The following CDK17 variants were observed in gnomAD, a reference collection of about 807,000 sequenced individuals.
CDK17 encodes cyclin-dependent kinase 17.
CDK17 carries 24 observed loss-of-function variants against 77.6 expected under a neutral mutation model. The ratio of observed to expected loss-of-function variants is 0.31; its 90% confidence interval spans 0.22 to 0.44. The LOEUF is 0.44. Ranked by LOEUF, CDK17 falls within the 20% of genes least tolerant of loss-of-function variation. The pLI is 1.00. For synonymous variants in CDK17, 203 were observed against 210.4 expected (o/e 0.96, Z 0.30); for missense variants, 429 against 622.5 (o/e 0.69, Z 3.31).
chr12:96,280,753 T>C lies in CDK17; in HGVS notation c.1534+55A>G, dbSNP rs1444407451. 3.1e-6 allele frequency: 5 copies of C among 1,602,660 alleles called. No individual in the cohort carries two copies. In the East Asian group the frequency reaches 1.1e-4, roughly 36 times the overall value. ...CTGATCAATTTATAAACCAAAAGCT[T>C]GGTTCCACGCAAAAATTCATGATCG... On this transcript the variant is annotated intron_variant, in intron 16 of 16. Transcript: ENST00000261211.
chr12:96,308,306 G>C (rs1462880607), intron 5 of CDK17, among the ~76,000 whole-genome samples: 1 of 151,426 alleles, frequency 6.6e-6, no homozygotes, highest in Non-Finnish European at 1.5e-5. Context: ...AGCTACTCAG[G>C]AGCCTGACAT....
chr12:96,363,928 A>G (rs183621214), intron 1 of CDK17, among the ~76,000 whole-genome samples: 1,602 of 152,352 alleles, frequency 0.011, 48 homozygotes, highest in Admixed American at 0.064. Context: ...CGAGAAGGCA[A>G]CCAAGTAGCC....
At chr12:96,325,511 G>A (rs912059532) in intron 2 of CDK17, among the ~76,000 whole-genome samples, 5 of 152,214 alleles carry the variant, frequency 3.3e-5, no homozygotes, top group Admixed American at 3.3e-4. Context: ...GGGCTCCAGA[G>A]AAATGGGCCA....
intron 13 of CDK17, among the ~76,000 whole-genome samples, chr12:96,284,005 T>C (rs926285739): frequency 1.3e-5 from 2 of 152,222 alleles, no homozygotes; most frequent in Admixed American, 1.3e-4. Flanking sequence ...AAGAGCATCA[T>C]TTTCCTATTA....
intron 1 of CDK17, among the ~76,000 whole-genome samples, chr12:96,395,786 A>G (rs1954158372): frequency 6.6e-6 from 1 of 152,170 alleles, no homozygotes; most frequent in South Asian, 2.1e-4. Flanking sequence ...GAAAAGAAAA[A>G]GACATCCTCA....
chr12:96,307,526 A>T (rs1051005230), intron 5 of CDK17, among the ~76,000 whole-genome samples: 1 of 152,208 alleles, frequency 6.6e-6, no homozygotes, highest in African/African-American at 2.4e-5. Context: ...ATAAAAACTG[A>T]TAGCCGAAGA....
At chr12:96,378,510 C>T (rs932182253) in intron 1 of CDK17, among the ~76,000 whole-genome samples, 2 of 152,170 alleles carry the variant, frequency 1.3e-5, no homozygotes, top group African/African-American at 4.8e-5. Flanking sequence ...GGCCTGGTTC[C>T]TTTTACTGGA....
intron 1 of CDK17, among the ~76,000 whole-genome samples, chr12:96,350,264 TA>T (rs1953290123): frequency 6.6e-6 from 1 of 151,742 alleles, no homozygotes. Flanking sequence ...GAACATGGTC[TA>T]AAATTTGTTC....
chr12:96,374,508 C>T (rs1953747121), intron 1 of CDK17, among the ~76,000 whole-genome samples: 2 of 152,128 alleles, frequency 1.3e-5, no homozygotes, highest in Admixed American at 1.3e-4. Flanking sequence ...AGGTGTTTTG[C>T]TCAGGCCTCT....
At chr12:96,324,479 C>A (rs1952866826) in intron 2 of CDK17, among the ~76,000 whole-genome samples, 1 of 152,076 alleles carries the variant, frequency 6.6e-6, no homozygotes, top group African/African-American at 2.4e-5. Context: ...TTATTTTAAG[C>A]ATGCTTGGCT....
intron 1 of CDK17, among the ~76,000 whole-genome samples, chr12:96,343,265 T>G (rs1375349288): frequency 6.6e-6 from 1 of 152,172 alleles, no homozygotes; most frequent in African/African-American, 2.4e-5. Flanking sequence ...ACCAGGAAAG[T>G]GCTTCATGCA....
chr12:96,283,464 T>A (rs1227899873), intron 14 of CDK17, 139 bp downstream of exon 14: 2 of 590,696 alleles, frequency 3.4e-6, no homozygotes, highest in Middle Eastern at 3.9e-4. Context: ...TTTTTTTTTT[T>A]AACTTAAACA....
intron 5 of CDK17, among the ~76,000 whole-genome samples, chr12:96,304,291 C>T (rs1000185986): frequency 6.6e-6 from 1 of 152,186 alleles, no homozygotes; most frequent in African/African-American, 2.4e-5. Context: ...GTAATCCCAG[C>T]ACTTTCGGAG....
rs899526814 is a variant in CDK17 at position 96,278,572 on chromosome 12, T to C, written c.*1670A>G. ...ACCACATTTTAACAACATGGAGATT[T>C]TGTTATTATAAATTTCAAAACAAAA... is the stretch of plus-strand genomic sequence containing the variant. On this transcript the variant is annotated 3_prime_UTR_variant, in exon 17 of 17. Coordinates refer to ENST00000261211, the MANE Select transcript of CDK17 (RefSeq NM_002595.5). The C allele has an allele frequency of 6.6e-6, 1 of 152,584 alleles. No homozygotes were observed. Among genetic ancestry groups the C allele is most frequent in the African/African-American group, 2.4e-5 (1 of 41,452 alleles). The allele number at this position is 152,584 out of a possible 1,614,324, so 9.5% of individuals were successfully genotyped here. A position where few individuals can be genotyped will look rare whatever the true frequency, so the allele number is the denominator to read the frequency against.
intron 1 of CDK17, among the ~76,000 whole-genome samples, chr12:96,391,231 A>T (rs889643093): frequency 1.2e-4 from 18 of 152,114 alleles, no homozygotes; most frequent in Non-Finnish European, 1.5e-5. Context: ...TACACAGTTA[A>T]ATAGCTAGAT....
chr12:96,357,247 G>A lies in CDK17; in HGVS notation c.-29-22382C>T, dbSNP rs1006859844. ...GAGGCTGAGGCAGGAGCATCTCGAGGCCAGGAGTTTGAGACTAGCCTAGGC... is the reference window on the plus strand; with the variant it reads ...GAGGCTGAGGCAGGAGCATCTCGAGACCAGGAGTTTGAGACTAGCCTAGGC... On this transcript the variant is annotated intron_variant, in intron 1 of 16. Coordinates refer to ENST00000261211, the MANE Select transcript of CDK17 (RefSeq NM_002595.5). Among the ~76,000 whole-genome samples the A allele has an allele frequency of 2.0e-5, 3 of 147,828 alleles. No individual in the cohort carries two copies. The East Asian group carries it at 6.3e-4, about 31-fold the overall frequency.
intron 1 of CDK17, among the ~76,000 whole-genome samples, chr12:96,336,359 G>A (rs1410166440): frequency 2.6e-5 from 4 of 152,090 alleles, no homozygotes; most frequent in Non-Finnish European, 5.9e-5. Context: ...AGCTACTCAG[G>A]AGACTGGGGT....
chr12:96,382,182 A>G (rs888697972), intron 1 of CDK17, among the ~76,000 whole-genome samples: 1 of 152,060 alleles, frequency 6.6e-6, no homozygotes, highest in Non-Finnish European at 1.5e-5. Flanking sequence ...TAAAATAGTG[A>G]AAACATAAAT....
chr12:96,344,717 G>GT (rs1466094967), intron 1 of CDK17, among the ~76,000 whole-genome samples: 2 of 152,168 alleles, frequency 1.3e-5, no homozygotes, highest in Non-Finnish European at 2.9e-5. Context: ...ATGAAAGGAC[G>GT]TAAGACATAA....
Sources: gnomAD v4.1 joint callset for allele counts (sites outside exome capture counted in the v4.1 genomes callset) on GRCh38, gnomAD v4.1.1 for gene constraint, MANE v1.5 for transcripts, NCBI Gene and HGNC (gene_info 2026-07-23, HGNC 2026-07-21) for gene names.